PRKD1: variants seen among roughly 807,000 people sequenced by gnomAD.
PRKD1 encodes the protein protein kinase D1, also known as serine/threonine-protein kinase D1.
PRKD1 carries 63 observed loss-of-function variants against 95.9 expected under a neutral mutation model. That is an observed-to-expected ratio of 0.66 (90% CI 0.54 to 0.81). PRKD1 has a LOEUF of 0.81. Ranked by LOEUF, PRKD1 falls within the 30% of genes least tolerant of loss-of-function variation. The pLI, the probability that PRKD1 is intolerant of heterozygous loss-of-function variation, is 0.00. For missense variants in PRKD1, 1,048 were observed against 1,165.3 expected (o/e 0.90, Z 1.47); for synonymous variants, 425 against 423.1 (o/e 1.00, Z -0.05).
In PRKD1 at chr14:29,839,927, C is replaced by G. The variant is rs571758680; in HGVS notation, c.264+87322G>C. 2.0e-5 allele frequency among the ~76,000 whole-genome samples: 3 copies of G among 152,138 alleles called. No individual in the cohort carries two copies. The East Asian group carries it at 5.9e-4, about 30-fold the overall frequency. On this transcript the variant is annotated intron_variant, in intron 1 of 17. Transcript: ENST00000331968. ...CAGCCCACAAAACCATTTTTTCCTC[C>G]TGGGCCTCCGGGCCTGTGATGGGAG... is the stretch of plus-strand genomic sequence containing the variant.
chr14:29,894,466 A>G (rs1010338674), intron 1 of PRKD1, among the ~76,000 whole-genome samples: 5 of 152,364 alleles, frequency 3.3e-5, no homozygotes, highest in Non-Finnish European at 7.3e-5. Context: ...AGAAAGGCAG[A>G]TAATGGATGG....
intron 1 of PRKD1, among the ~76,000 whole-genome samples, chr14:29,776,071 T>C (rs1360652391): frequency 6.6e-6 from 1 of 152,180 alleles, no homozygotes; most frequent in Non-Finnish European, 1.5e-5. Flanking sequence ...CCAACAGACC[T>C]GCAGCTGAGG....
rs774746407 is a variant in PRKD1 at position 29,927,316 on chromosome 14, T to TGCA, written c.194_196dup (p.Leu65dup). 17 of 1,559,206 alleles carry TGCA rather than the reference T, an allele frequency of 1.1e-5. No individual in the cohort carries two copies. The highest frequency in any genetic ancestry group is 3.6e-5 in the South Asian group (3 of 84,502). On this transcript the variant is annotated inframe_insertion, in exon 1 of 18. Transcript: ENST00000331968. ...CAGGCTGTAGTCCCCGGACGAGTCC[T>TGCA]GCAGCAGCAGCACCGGCTCACGGCT... is the stretch of plus-strand genomic sequence containing the variant.
chr14:29,643,938 T>TAAAGAG (rs1024150704), intron 4 of PRKD1, among the ~76,000 whole-genome samples: 2 of 152,210 alleles, frequency 1.3e-5, no homozygotes, highest in African/African-American at 4.8e-5. Flanking sequence ...CCCTTTGAGT[T>TAAAGAG]AAAGAGAAAG....
chr14:29,674,616 A>T (rs1883048242), intron 2 of PRKD1, among the ~76,000 whole-genome samples: 1 of 152,212 alleles, frequency 6.6e-6, no homozygotes, highest in Admixed American at 6.5e-5. Flanking sequence ...AGGCACCCTG[A>T]ATAGAGGGAA....
chr14:29,667,269 T>C (rs1882576993), intron 2 of PRKD1, among the ~76,000 whole-genome samples: 1 of 152,138 alleles, frequency 6.6e-6, no homozygotes, highest in Non-Finnish European at 1.5e-5. Context: ...AAAGAGACAG[T>C]CTGTCTGATG....
At chr14:29,884,886 GC>G (rs1196906175) in intron 1 of PRKD1, among the ~76,000 whole-genome samples, 1 of 151,968 alleles carries the variant, frequency 6.6e-6, no homozygotes, top group African/African-American at 2.4e-5. Context: ...ACTTTGGGAG[GC>G]CGAAGCGGGT....
At chr14:29,620,055 G>C (rs983951583) in intron 13 of PRKD1, among the ~76,000 whole-genome samples, 2 of 151,900 alleles carry the variant, frequency 1.3e-5, no homozygotes, top group Non-Finnish European at 1.5e-5. Flanking sequence ...ACAAACCTGA[G>C]AAAAACAAGC....
intron 1 of PRKD1, among the ~76,000 whole-genome samples, chr14:29,737,752 C>A (rs1243565290): frequency 6.6e-6 from 1 of 152,126 alleles, no homozygotes; most frequent in Non-Finnish European, 1.5e-5. Context: ...AAGGGACAGT[C>A]CAAAGTTGTT....
intron 4 of PRKD1, chr14:29,656,591 A>C (rs1881854883): frequency 7.3e-7 from 1 of 1,364,336 alleles, no homozygotes; most frequent in South Asian, 1.2e-5. Flanking sequence ...GATGGAAGCA[A>C]AGCACATTAC....
chr14:29,816,144 G>A (rs938271066), intron 1 of PRKD1, among the ~76,000 whole-genome samples: 1 of 152,146 alleles, frequency 6.6e-6, no homozygotes, highest in Admixed American at 6.5e-5. Context: ...CTTGAACCAG[G>A]GAGTTGGAGG....
At chr14:29,677,494 T>C (rs1444074546) in intron 2 of PRKD1, among the ~76,000 whole-genome samples, 2 of 152,194 alleles carry the variant, frequency 1.3e-5, no homozygotes, top group Non-Finnish European at 2.9e-5. Context: ...CTTCATTTCA[T>C]TTTGTGGTGT....
intron 4 of PRKD1, among the ~76,000 whole-genome samples, chr14:29,648,436 G>T (rs1284708807): frequency 2.0e-5 from 3 of 152,098 alleles, no homozygotes; most frequent in East Asian, 1.9e-4. Context: ...ATAGAGGCAG[G>T]AGGCAAGGGA....
intron 4 of PRKD1, among the ~76,000 whole-genome samples, chr14:29,646,875 A>G (rs1349294841): frequency 6.6e-6 from 1 of 152,148 alleles, no homozygotes; most frequent in African/African-American, 2.4e-5. Context: ...AAAACCCTTG[A>G]GAAATGGAGT....
intron 1 of PRKD1, among the ~76,000 whole-genome samples, chr14:29,916,802 C>A (rs560239184): frequency 6.6e-6 from 1 of 152,274 alleles, no homozygotes; most frequent in Non-Finnish European, 1.5e-5. Flanking sequence ...TATCAAGTCT[C>A]ACCCTAATAA....
At position 29,629,023 on chromosome 14, in the gene PRKD1, T is replaced by C; in HGVS notation, c.1725+18A>G. The C allele has an allele frequency of 1.3e-6, 2 of 1,509,196 alleles. No homozygotes were observed. The highest frequency in any genetic ancestry group is 1.8e-6 in the Non-Finnish European group (2 of 1,114,420). The allele number at this position is 1,509,196 out of a possible 1,614,324, so 93.5% of individuals were successfully genotyped here. A position where few individuals can be genotyped will look rare whatever the true frequency, so the allele number is the denominator to read the frequency against. ...GTAATCACATTAGCAAGTTTTATAT[T>C]AGTAGGTACATACTTACCACATTTT... On this transcript the variant is annotated intron_variant, in intron 11 of 17. Coordinates refer to ENST00000331968, the MANE Select transcript of PRKD1 (RefSeq NM_002742.3).
intron 1 of PRKD1, among the ~76,000 whole-genome samples, chr14:29,752,091 A>C (rs907890106): frequency 6.6e-6 from 1 of 152,198 alleles, no homozygotes; most frequent in African/African-American, 2.4e-5. Flanking sequence ...AACTACACTA[A>C]TTGATACTTG....
intron 1 of PRKD1, among the ~76,000 whole-genome samples, chr14:29,911,824 T>C (rs774080789): frequency 3.9e-5 from 6 of 152,214 alleles, no homozygotes; most frequent in Non-Finnish European, 7.3e-5. Flanking sequence ...TGTGGTTCCT[T>C]CTGGAAGGAA....
chr14:29,906,323 G>C (rs1207366937), intron 1 of PRKD1, among the ~76,000 whole-genome samples: 1 of 152,168 alleles, frequency 6.6e-6, no homozygotes, highest in African/African-American at 2.4e-5. Context: ...AGGATCACTT[G>C]AGCCCAGGAG....
Sources: allele counts gnomAD v4.1 joint callset (sites outside exome capture counted in the v4.1 genomes callset), GRCh38; gene constraint gnomAD v4.1.1; transcripts MANE v1.5; gene names NCBI Gene and HGNC (gene_info 2026-07-23, HGNC 2026-07-21).